Variants in MNDA observed in about 807,000 individuals in gnomAD.
MNDA encodes epididymis secretory sperm binding protein.
A neutral mutation model predicts 37.8 loss-of-function variants in MNDA; 43 were observed. That is an observed-to-expected ratio of 1.14 (90% CI 0.89 to 1.47). The LOEUF is 1.47. MNDA is among the 40% of genes most tolerant of loss of function. The pLI, the probability that MNDA is intolerant of heterozygous loss-of-function variation, is 0.00. For missense variants in MNDA, 536 were observed against 476.0 expected, an observed-to-expected ratio of 1.13 and a Z score of -1.17; for synonymous variants, 181 against 169.0, an observed-to-expected ratio of 1.07 and a Z score of -0.55.
chr1:158,833,841 C>T (rs1209493925), intron 1 of MNDA, among the ~76,000 whole-genome samples: 1 of 152,178 alleles, frequency 6.6e-6, no homozygotes, highest in African/African-American at 2.4e-5. Flanking sequence ...TGAGATCACA[C>T]TTTCACTTAT....
intron 2 of MNDA, 194 bp downstream of exon 2, chr1:158,842,612 T>C: frequency 2.1e-6 from 1 of 480,576 alleles, no homozygotes; most frequent in Non-Finnish European, 3.7e-6. Flanking sequence ...ATTGATATAT[T>C]TAGAAGAATG....
chr1:158,845,558 G>C lies in MNDA; in HGVS notation c.571-29G>C, dbSNP rs202171229. The C allele has an allele frequency of 3.3e-6, 4 of 1,229,706 alleles. No homozygotes were observed. In the African/African-American group the frequency reaches 6.1e-5, roughly 19 times the overall value. The allele number at this position is 1,229,706 out of a possible 1,614,324, so 76.2% of individuals were successfully genotyped here. On this transcript the variant is annotated intron_variant, in intron 4 of 6. Coordinates refer to ENST00000368141, the MANE Select transcript of MNDA (RefSeq NM_002432.3). ...CCCGGCCTCCTGCTCAAAGTTTTAA[G>C]TTTATTTTCTTGTGTCTGCCCAACA...
chr1:158,832,523 G>A (rs1363561990), intron 1 of MNDA, among the ~76,000 whole-genome samples: 1 of 151,344 alleles, frequency 6.6e-6, no homozygotes, highest in East Asian at 1.9e-4. Context: ...GTATATCTAA[G>A]TATATATGTT....
At position 158,845,747 on chromosome 1, in the gene MNDA, C is replaced by T. The variant is rs1296824635; in HGVS notation, c.731C>T (p.Thr244Ile). The T allele has an allele frequency of 1.2e-6, 2 of 1,614,140 alleles. No homozygotes were observed. The highest frequency in any genetic ancestry group is 1.1e-5 in the South Asian group (1 of 91,078). The change falls in exon 5 of 7, where the codon ACT becomes ATT. Residue 244 changes from threonine (T) to isoleucine (I), a missense_variant. Physicochemically the swap from Thr to Ile is moderately conservative, Grantham distance 89. Transcript: ENST00000368141. ...TMFHATVASK[T>I]QYFHVKVFDI... The stretch of plus-strand genomic sequence containing the variant: ...TTTCATGCTACAGTGGCCAGTAAGA[C>T]TCAATATTTCCATGTGAAAGTCTTC...
At chr1:158,842,100 A>T in intron 1 of MNDA, 34 bp from the exon 2 acceptor site, 1 of 1,524,200 alleles carries the variant, frequency 6.6e-7, no homozygotes, top group Non-Finnish European at 8.8e-7. Context: ...GTCTGCATAA[A>T]TGTGTAATGT....
Position 158,845,838 on chromosome 1 carries a change from T to C in MNDA, c.822T>C (p.Cys274=). The change falls in exon 5 of 7, where the codon TGT becomes TGC. Residue 274 remains cysteine (C), a synonymous_variant. Transcript: ENST00000368141. ...TTACCATATCTGATTACTCTGAATG[T>C]AAAGGAGTAATGGAAATAAAGGAAG... ...KVITISDYSE[C]KGVMEIKEAS... 1 of 1,614,080 alleles carries C rather than the reference T, an allele frequency of 6.2e-7. No individual in the cohort carries two copies.
chr1:158,843,865 G>A (rs1467123478), intron 3 of MNDA, 90 bp from the exon 4 acceptor site: 4 of 1,177,806 alleles, frequency 3.4e-6, no homozygotes, highest in South Asian at 1.6e-5. Context: ...AACATAAATA[G>A]AACTTACTAT....
intron 1 of MNDA, among the ~76,000 whole-genome samples, chr1:158,834,332 A>C (rs1571650310): frequency 6.8e-6 from 1 of 147,922 alleles, no homozygotes; most frequent in African/African-American, 2.5e-5. Context: ...TCCCGGGTTC[A>C]CGCCATTCTC....
At chr1:158,838,446 T>G (rs1471896798) in intron 1 of MNDA, among the ~76,000 whole-genome samples, 1 of 152,112 alleles carries the variant, frequency 6.6e-6, no homozygotes, top group African/African-American at 2.4e-5. Flanking sequence ...AAAAATGTGC[T>G]CATAATCCTA....
At chr1:158,846,612 A>C (rs189530360) in intron 5 of MNDA, among the ~76,000 whole-genome samples, 10 of 152,098 alleles carry the variant, frequency 6.6e-5, no homozygotes, top group East Asian at 5.8e-4. Context: ...CAATCTCTTC[A>C]TACTATTTAC....
chr1:158,831,569 G>A lies in MNDA; in HGVS notation c.-21+12G>A, dbSNP rs1479239865. The stretch of plus-strand genomic sequence containing the variant: ...AAGCATCCATTAAGGTGAGATTTCT[G>A]GGAAGTTCTTTAGAGAAAGATCTAG... On this transcript the variant is annotated intron_variant, in intron 1 of 6. Coordinates refer to ENST00000368141, the MANE Select transcript of MNDA (RefSeq NM_002432.3). The A allele has an allele frequency of 6.6e-6, 1 of 152,126 alleles. No individual in the cohort carries two copies. Among genetic ancestry groups the A allele is most frequent in the Non-Finnish European group, 1.5e-5 (1 of 68,032 alleles). 9.4% of individuals were successfully genotyped at this position (152,126 alleles called of 1,614,324 possible).
chr1:158,832,453 T>C (rs1055520556), intron 1 of MNDA, among the ~76,000 whole-genome samples: 3 of 151,856 alleles, frequency 2.0e-5, no homozygotes, highest in Non-Finnish European at 4.4e-5. Flanking sequence ...CTAATAGTGA[T>C]TTTGTTAATT....
chr1:158,849,127 T>C (rs887752399), intron 6 of MNDA, 63 bp from the exon 7 acceptor site: 4 of 1,297,430 alleles, frequency 3.1e-6, no homozygotes, highest in Admixed American at 1.9e-5. Flanking sequence ...AAAGGAGAAC[T>C]ATAAGCAGAG....
intron 2 of MNDA, 37 bp from the exon 3 acceptor site, chr1:158,843,242 C>T (rs985435097): frequency 6.3e-7 from 1 of 1,581,600 alleles, no homozygotes; most frequent in South Asian, 1.2e-5. Flanking sequence ...CTATTCCACT[C>T]TAGGCCTATT....
At position 158,849,392 on chromosome 1, in the gene MNDA, T is replaced by C. The variant is rs116085800; in HGVS notation, c.*155T>C. The C allele has an allele frequency of 1.9e-4, 107 of 549,986 alleles. No homozygotes were observed. The African/African-American group carries it at 2.0e-3, about 10-fold the overall frequency. 34.1% of individuals were successfully genotyped at this position (549,986 alleles called of 1,614,324 possible). A position where few individuals can be genotyped will look rare whatever the true frequency, so the allele number is the denominator to read the frequency against. On this transcript the variant is annotated 3_prime_UTR_variant, in exon 7 of 7. Coordinates refer to ENST00000368141, the MANE Select transcript of MNDA (RefSeq NM_002432.3). Reference sequence around the variant, plus strand: ...CTTTTATAACTGAGTTATAGATTAGTTTGCTTTCTGGAATAAAATTTTCTT... The same window carrying C: ...CTTTTATAACTGAGTTATAGATTAGCTTGCTTTCTGGAATAAAATTTTCTT...
At chr1:158,841,075 T>C (rs916613807) in intron 1 of MNDA, among the ~76,000 whole-genome samples, 1 of 152,058 alleles carries the variant, frequency 6.6e-6, no homozygotes, top group African/African-American at 2.4e-5. Flanking sequence ...CCACAACAGC[T>C]CGCAGAAGAT....
intron 1 of MNDA, among the ~76,000 whole-genome samples, chr1:158,832,504 A>G (rs1658823308): frequency 1.3e-5 from 2 of 151,700 alleles, no homozygotes; most frequent in African/African-American, 4.8e-5. Context: ...ATATTTTTAC[A>G]TAGAATATGT....
In MNDA at chr1:158,844,031, G is replaced by A; in HGVS notation, c.479G>A (p.Gly160Asp). 6.2e-7 allele frequency: 1 copy of A among 1,613,666 alleles called. No homozygotes were observed. Among genetic ancestry groups the A allele is most frequent in the Non-Finnish European group, 8.5e-7 (1 of 1,179,824 alleles). The change falls in exon 4 of 7, where the codon GGT becomes GAT. Residue 160 changes from glycine (G) to aspartate (D), a missense_variant. Transcript: ENST00000368141. ...KVSQEQSKPP[G>D]PSGASTSAAV... ...TCCCAAGAGCAGAGTAAGCCCCCAGGTCCCTCAGGAGCCAGCACATCTGCA... is the reference window on the plus strand; with the variant it reads ...TCCCAAGAGCAGAGTAAGCCCCCAGATCCCTCAGGAGCCAGCACATCTGCA...
At chr1:158,832,097 AGT>A (rs1189433447) in intron 1 of MNDA, among the ~76,000 whole-genome samples, 1 of 152,144 alleles carries the variant, frequency 6.6e-6, no homozygotes. Flanking sequence ...TTTTACAACA[AGT>A]GTAAGAAGAA....
Sources: allele counts gnomAD v4.1 joint callset (sites outside exome capture counted in the v4.1 genomes callset), GRCh38; gene constraint gnomAD v4.1.1; transcripts MANE v1.5; gene names NCBI Gene and HGNC (gene_info 2026-07-23, HGNC 2026-07-21).